Variants in PA2G4 observed in about 807,000 individuals in gnomAD.
The protein encoded by PA2G4 is proliferation-associated 2G4.
PA2G4 carries 8 observed loss-of-function variants against 53.3 expected under a neutral mutation model. That is an observed-to-expected ratio of 0.15 (90% CI 0.09 to 0.27). The LOEUF is 0.27. Ranked by LOEUF, PA2G4 falls within the 10% of genes least tolerant of loss-of-function variation. PA2G4 has a pLI of 1.00. For missense variants in PA2G4, 208 were observed against 486.8 expected, an observed-to-expected ratio of 0.43 and a Z score of 5.39; for synonymous variants, 143 against 169.8, an observed-to-expected ratio of 0.84 and a Z score of 1.23.
At chr12:56,111,338 T>C (rs1869418319) in intron 11 of PA2G4, 29 bp downstream of exon 11, 1 of 1,613,774 alleles carries the variant, frequency 6.2e-7, no homozygotes, top group African/African-American at 1.3e-5. Flanking sequence ...GTGGTGAGTA[T>C]GTACATGGTA....
chr12:56,110,518 A>T (rs1469153599), intron 8 of PA2G4, 41 bp downstream of exon 8: 1 of 1,613,818 alleles, frequency 6.2e-7, no homozygotes, highest in African/African-American at 1.3e-5. Flanking sequence ...GGTGACTGAG[A>T]GTGTTCACCA....
chr12:56,105,239 G>A, intron 1 of PA2G4: 1 of 410,048 alleles, frequency 2.4e-6, no homozygotes, highest in Non-Finnish European at 4.9e-6. Flanking sequence ...AGCGTCTCCG[G>A]GGCGTCAGGA....
At chr12:56,105,149 C>T (rs1275348604) in intron 1 of PA2G4, 3 of 579,948 alleles carry the variant, frequency 5.2e-6, no homozygotes, top group East Asian at 7.9e-5. Flanking sequence ...TTATTGCTTC[C>T]TCTGATTCTG....
At position 56,113,132 on chromosome 12, in the gene PA2G4, T is replaced by G; in HGVS notation, c.*244T>G. ...CTTTAAATGAAAAAAAGAAATTGAATAATAAAATCAGGAGTCAAAATTCAT... is the reference window on the plus strand; with the variant it reads ...CTTTAAATGAAAAAAAGAAATTGAAGAATAAAATCAGGAGTCAAAATTCAT... On this transcript the variant is annotated 3_prime_UTR_variant, in exon 13 of 13. Transcript: ENST00000303305. 2.7e-6 allele frequency: 1 copy of G among 365,038 alleles called. No homozygotes were observed. Among genetic ancestry groups the G allele is most frequent in the Non-Finnish European group, 4.9e-6 (1 of 204,568 alleles). 22.6% of individuals were successfully genotyped at this position (365,038 alleles called of 1,614,324 possible).
intron 6 of PA2G4, 127 bp downstream of exon 6, chr12:56,109,420 G>GA: frequency 1.6e-6 from 1 of 619,376 alleles, no homozygotes; most frequent in South Asian, 1.6e-5. Context: ...AGGAGTTTGA[G>GA]ACTAGCCTGG....
intron 4 of PA2G4, 42 bp downstream of exon 4, chr12:56,107,298 A>G: frequency 1.3e-6 from 2 of 1,482,132 alleles, no homozygotes; most frequent in Non-Finnish European, 1.9e-6. Context: ...CTTGGGGTAG[A>G]GGGAATGCAC....
intron 5 of PA2G4, among the ~76,000 whole-genome samples, chr12:56,108,982 T>C (rs1042351943): frequency 2.0e-5 from 3 of 151,670 alleles, no homozygotes; most frequent in Non-Finnish European, 4.4e-5. Flanking sequence ...AAAAATTAGC[T>C]GGGCGTGGTG....
Position 56,104,643 on chromosome 12 carries a change from ATCGAGGG to A in PA2G4, c.-94_-88del. 8.6e-7 allele frequency: 1 copy of A among 1,160,100 alleles called. No homozygotes were observed. The highest frequency in any genetic ancestry group is 1.3e-6 in the Non-Finnish European group (1 of 765,370). The allele number at this position is 1,160,100 out of a possible 1,614,324, so 71.9% of individuals were successfully genotyped here. A position where few individuals can be genotyped will look rare whatever the true frequency, so the allele number is the denominator to read the frequency against. ...GCTTTCGCTCGCCCTCTCCTCGAGG[ATCGAGGG>A]GACTCTGACCACAGCCTGTGGCTGG... On this transcript the variant is annotated 5_prime_UTR_variant, in exon 1 of 13. Transcript: ENST00000303305.
At chr12:56,104,854 C>G in intron 1 of PA2G4, 29 bp downstream of exon 1, 3 of 1,577,076 alleles carry the variant, frequency 1.9e-6, no homozygotes, top group Non-Finnish European at 2.6e-6. Flanking sequence ...GTCGGGGAAT[C>G]AAGGCTGATA....
chr12:56,113,684 A>G lies in PA2G4; in HGVS notation c.*796A>G. On this transcript the variant is annotated 3_prime_UTR_variant, in exon 13 of 13. Coordinates refer to ENST00000303305, the MANE Select transcript of PA2G4 (RefSeq NM_006191.3). ...GAAATATTGTGATCTCCCTCCCATG[A>G]AAGAAAAACCAAGAACCAGAGGCGT... 1.7e-6 allele frequency: 1 copy of G among 602,760 alleles called. No homozygotes were observed. The highest frequency in any genetic ancestry group is 2.0e-5 in the South Asian group (1 of 49,476). 37.3% of individuals were successfully genotyped at this position (602,760 alleles called of 1,614,324 possible). A position where few individuals can be genotyped will look rare whatever the true frequency, so the allele number is the denominator to read the frequency against.
intron 12 of PA2G4, 76 bp from the exon 13 acceptor site, chr12:56,112,746 CT>C (rs1014687831): frequency 2.0e-6 from 2 of 1,014,988 alleles, no homozygotes. Context: ...AAAAAAAATA[CT>C]TTTATCTCTG....
chr12:56,109,312 G>A lies in PA2G4; in HGVS notation c.550+19G>A. ...ATAGAAGGTGAGAACAGATAACAGGGTTGAGGGTCTAAGAATGAGTGGCTT... is the reference window on the plus strand; with the variant it reads ...ATAGAAGGTGAGAACAGATAACAGGATTGAGGGTCTAAGAATGAGTGGCTT... On this transcript the variant is annotated intron_variant, in intron 6 of 12. Coordinates refer to ENST00000303305, the MANE Select transcript of PA2G4 (RefSeq NM_006191.3). The A allele has an allele frequency of 2.5e-6, 4 of 1,594,586 alleles. No individual in the cohort carries two copies. The highest frequency in any genetic ancestry group is 3.4e-6 in the Non-Finnish European group (4 of 1,165,414).
intron 1 of PA2G4, among the ~76,000 whole-genome samples, chr12:56,105,974 A>T (rs1869290791): frequency 6.6e-6 from 1 of 152,214 alleles, no homozygotes; most frequent in Admixed American, 6.5e-5. Context: ...GACATTTAGT[A>T]TCGTACCCTG....
chr12:56,104,773 C>T lies in PA2G4; in HGVS notation c.36C>T (p.Ile12=). 1.2e-6 allele frequency: 2 copies of T among 1,613,982 alleles called. No homozygotes were observed. The highest frequency in any genetic ancestry group is 1.7e-6 in the Non-Finnish European group (2 of 1,180,022). Residue 12 remains isoleucine, a synonymous_variant, in exon 1 of 13, where the codon ATC becomes ATT. Transcript: ENST00000303305. ...AGGACGAGCAACAGGAGCAAACTAT[C>T]GCTGAGGACCTGGTCGTGACCAAGT... ...SGEDEQQEQT[I]AEDLVVTKYK...
rs770896357 is a variant in PA2G4 at position 56,107,167 on chromosome 12, ACTCTG to A, written c.324-19_324-15del. ...ACAAAATGCCAGTTCCTAATGCAGT[ACTCTG>A]ATCTTGCCTTTCAGTGACCTTGGGG... On this transcript the variant is annotated splice_polypyrimidine_tract_variant and intron_variant, in intron 3 of 12. Transcript: ENST00000303305. 2 of 1,609,208 alleles carry A rather than the reference ACTCTG, an allele frequency of 1.2e-6. No homozygotes were observed. The highest frequency in any genetic ancestry group is 1.7e-6 in the Non-Finnish European group (2 of 1,175,556).
intron 5 of PA2G4, among the ~76,000 whole-genome samples, chr12:56,108,019 CCT>C: frequency 6.6e-6 from 1 of 152,202 alleles, no homozygotes; most frequent in East Asian, 1.9e-4. Context: ...ACAATGAAAC[CCT>C]GTCTCACAAA....
Position 56,104,583 on chromosome 12 carries a change from C to T in PA2G4, c.-155C>T. On this transcript the variant is annotated 5_prime_UTR_variant, in exon 1 of 13. Coordinates refer to ENST00000303305, the MANE Select transcript of PA2G4 (RefSeq NM_006191.3). ...CAGCCCGCGCGCTCGCAGCTTCTCG[C>T]TCTCGCCTGCCTGCCCGCTCCCTTG... The T allele has an allele frequency of 1.2e-6, 1 of 801,798 alleles. No homozygotes were observed. Among genetic ancestry groups the T allele is most frequent in the Non-Finnish European group, 2.2e-6 (1 of 447,600 alleles). The allele number at this position is 801,798 out of a possible 1,614,324, so 49.7% of individuals were successfully genotyped here.
chr12:56,104,995 G>T, intron 1 of PA2G4, 170 bp downstream of exon 1: 1 of 732,178 alleles, frequency 1.4e-6, no homozygotes. Context: ...TGGGACCTGA[G>T]CGGGCAGGCC....
intron 12 of PA2G4, 73 bp from the exon 13 acceptor site, chr12:56,112,750 T>C (rs1453430855): frequency 1.9e-6 from 2 of 1,051,360 alleles, no homozygotes; most frequent in African/African-American, 1.7e-5. Context: ...AAAATACTTT[T>C]ATCTCTGGTC....
Sources: allele counts gnomAD v4.1 joint callset (sites outside exome capture counted in the v4.1 genomes callset), GRCh38; gene constraint gnomAD v4.1.1; transcripts MANE v1.5; gene names NCBI Gene and HGNC (gene_info 2026-07-23, HGNC 2026-07-21).